RGR: variants seen among roughly 807,000 people sequenced by gnomAD.
RGR encodes retinal G protein coupled receptor, also known as RPE-retinal G protein-coupled receptor.
Under a neutral mutation model 28.6 loss-of-function variants are expected in RGR, and 30 were observed. The ratio of observed to expected loss-of-function variants is 1.05; its 90% confidence interval spans 0.78 to 1.42. The LOEUF is 1.42. Among genes scored for constraint, RGR ranks in the 40% most tolerant of loss-of-function variants. The pLI, the probability that RGR is intolerant of heterozygous loss-of-function variation, is 0.00. For missense variants in RGR, 404 were observed against 375.6 expected (o/e 1.08, Z -0.62); for synonymous variants, 180 against 156.4 (o/e 1.15, Z -1.13).
chr10:84,259,761 T>C lies in RGR; in HGVS notation c.*1122T>C, dbSNP rs1252788013. 1 of 151,496 alleles carries C rather than the reference T, an allele frequency of 6.6e-6. No homozygotes were observed. Among genetic ancestry groups the C allele is most frequent in the African/African-American group, 2.4e-5 (1 of 41,380 alleles). The allele number at this position is 151,496 out of a possible 1,614,324, so 9.4% of individuals were successfully genotyped here. ...CATTATTTGGATTTTTTTTGTTGAG[T>C]TATTTGAGTTTCTTATATATTCTGG... On this transcript the variant is annotated 3_prime_UTR_variant, in exon 7 of 7. Transcript: ENST00000652092.
intron 4 of RGR, 68 bp from the exon 5 acceptor site, chr10:84,254,258 G>C (rs762323248): frequency 1.5e-6 from 2 of 1,302,412 alleles, no homozygotes; most frequent in South Asian, 2.4e-5. Context: ...GGCAGAGCTG[G>C]TGGGTCCTTG....
At position 84,255,589 on chromosome 10, in the gene RGR, GTTTTA is replaced by G. The variant is rs1275928391; in HGVS notation, c.630+1152_630+1156del. 3.9e-5 allele frequency: 6 copies of G among 152,200 alleles called. No homozygotes were observed. The East Asian group carries it at 1.2e-3, about 29-fold the overall frequency. The allele number at this position is 152,200 out of a possible 1,614,324, so 9.4% of individuals were successfully genotyped here. On this transcript the variant is annotated intron_variant, in intron 5 of 6. Coordinates refer to ENST00000652092, the MANE Select transcript of RGR (RefSeq NM_001012720.2). ...TCTGAATTACTATTCCCTTGCCACG[GTTTTA>G]TTTTAACTTGGTCACCTGGATGACC...
intron 3 of RGR, among the ~76,000 whole-genome samples, chr10:84,251,209 TG>T (rs1331858807): frequency 1.3e-5 from 2 of 152,180 alleles, no homozygotes; most frequent in Admixed American, 6.5e-5. Flanking sequence ...CACTCCAGCC[TG>T]GGTGACACAG....
In RGR at chr10:84,248,201, GCA is replaced by G; in HGVS notation, c.236+456_236+457del. On this transcript the variant is annotated intron_variant, in intron 2 of 6. Transcript: ENST00000652092. The stretch of plus-strand genomic sequence containing the variant: ...AAATGGGGGCGTTATCACCACTACT[GCA>G]CCCGTATGTATCTGGGCTCCTGGAG... The G allele has an allele frequency of 2.4e-6, 3 of 1,240,810 alleles. No individual in the cohort carries two copies. In the South Asian group the frequency reaches 4.6e-5, roughly 19 times the overall value. The allele number at this position is 1,240,810 out of a possible 1,614,324, so 76.9% of individuals were successfully genotyped here. A position where few individuals can be genotyped will look rare whatever the true frequency, so the allele number is the denominator to read the frequency against.
Position 84,245,133 on chromosome 10 carries a change from G to T in RGR, c.43G>T (p.Glu15Ter), listed in dbSNP as rs150863046. 6.2e-7 allele frequency: 1 copy of T among 1,613,402 alleles called. No individual in the cohort carries two copies. The change falls in exon 1 of 7, where the codon GAG becomes TAG. Residue 15 changes from glutamate (E) to a stop codon, truncating the protein, a stop_gained. Coordinates refer to ENST00000652092, the MANE Select transcript of RGR (RefSeq NM_001012720.2). LOFTEE classifies it high-confidence loss of function. ...SALPTGFGEL[E>*]VLAVGMVLLV... ...CCTGCCCACTGGCTTCGGGGAGCTC[G>T]AGGTGCTGGCTGTGGGGATGGTGCT...
chr10:84,251,294 G>C (rs1842815657), intron 3 of RGR, among the ~76,000 whole-genome samples: 1 of 152,118 alleles, frequency 6.6e-6, no homozygotes, highest in Non-Finnish European at 1.5e-5. Flanking sequence ...GAGTCTTCCT[G>C]TCCTTGCACG....
In RGR at chr10:84,258,020, T is replaced by G. The variant is rs777778795; in HGVS notation, c.744+14T>G. 1 of 1,596,630 alleles carries G rather than the reference T, an allele frequency of 6.3e-7. No homozygotes were observed. Among genetic ancestry groups the G allele is most frequent in the Admixed American group, 1.7e-5 (1 of 60,024 alleles). ...AAACTGCAGATGGTACAGATACTTC[T>G]AGTACCTAAAACTAGACCCCTCTCC... On this transcript the variant is annotated intron_variant, in intron 6 of 6. Transcript: ENST00000652092.
Position 84,248,158 on chromosome 10 carries a change from G to C in RGR, c.236+411G>C. 3.8e-6 allele frequency: 4 copies of C among 1,065,232 alleles called. No homozygotes were observed. The South Asian group carries it at 6.3e-5, about 17-fold the overall frequency. The allele number at this position is 1,065,232 out of a possible 1,614,324, so 66.0% of individuals were successfully genotyped here. On this transcript the variant is annotated intron_variant, in intron 2 of 6. Transcript: ENST00000652092. ...TAATGCTTGATACCTAGGACTCTAC[G>C]TAAGTGTTTGTGAACACAAATGGGG...
chr10:84,253,386 T>G (rs901543811), intron 4 of RGR, among the ~76,000 whole-genome samples: 1 of 152,148 alleles, frequency 6.6e-6, no homozygotes, highest in South Asian at 2.1e-4. Context: ...AGCCACGCCC[T>G]TGGTACAATA....
chr10:84,251,453 T>A (rs1454184330), intron 3 of RGR, among the ~76,000 whole-genome samples: 1 of 152,164 alleles, frequency 6.6e-6, no homozygotes, highest in African/African-American at 2.4e-5. Context: ...GTCAGCATGG[T>A]CAGGTTCGGT....
rs193206433 is a variant in RGR, at chr10:84,255,970, C to T, written c.630+1527C>T. Among the ~76,000 whole-genome samples the T allele has an allele frequency of 5.1e-3, 763 of 149,668 alleles. 7 individuals are homozygous for T. The highest frequency in any genetic ancestry group is 0.018 in the African/African-American group (743 of 40,876). On this transcript the variant is annotated intron_variant, in intron 5 of 6. Transcript: ENST00000652092. The stretch of plus-strand genomic sequence containing the variant: ...AACTCCTGATCTCAGGTGATCCGCC[C>T]GCCTCCGCCTCCTAAATTGTTGGGA...
At position 84,259,587 on chromosome 10, in the gene RGR, C is replaced by T. The variant is rs28800841; in HGVS notation, c.*948C>T. 0.068 allele frequency: 10,325 copies of T among 152,224 alleles called. 468 individuals carry two copies. Among genetic ancestry groups the T allele is most frequent in the Non-Finnish European group, 0.092 (6,254 of 68,018 alleles). 9.4% of individuals were successfully genotyped at this position (152,224 alleles called of 1,614,324 possible). The stretch of plus-strand genomic sequence containing the variant: ...GACTTTTTAATAATAGCCATTCTCA[C>T]TTGTGTGAGATAAGGTCTCATTGTG... On this transcript the variant is annotated 3_prime_UTR_variant, in exon 7 of 7. Coordinates refer to ENST00000652092, the MANE Select transcript of RGR (RefSeq NM_001012720.2).
chr10:84,256,726 T>C (rs796183895), intron 5 of RGR, among the ~76,000 whole-genome samples: 14 of 152,254 alleles, frequency 9.2e-5, no homozygotes, highest in African/African-American at 3.1e-4. Context: ...CCAAGCCCTG[T>C]CTGGAGGTGC....
At chr10:84,247,980 T>A in intron 2 of RGR, 3 of 674,508 alleles carry the variant, frequency 4.4e-6, no homozygotes, top group Non-Finnish European at 7.4e-6. Context: ...GCTGTAGAGA[T>A]CAATGGTGTG....
At chr10:84,247,794 G>T (rs1309434499) in intron 2 of RGR, 47 bp downstream of exon 2, 4 of 1,613,182 alleles carry the variant, frequency 2.5e-6, no homozygotes, top group Non-Finnish European at 2.5e-6. Flanking sequence ...CCTGCCTGGG[G>T]CCTGACCCCT....
intron 5 of RGR, among the ~76,000 whole-genome samples, chr10:84,256,059 C>CTTTTTTTTTTTTTTTTTTTT (rs61441525): frequency 5.5e-5 from 3 of 54,348 alleles, no homozygotes; most frequent in Non-Finnish European, 9.3e-5. Context: ...TTTTTCCTTT[C>CTTTTTTTTTTTTTTTTTTTT]TTTTTTTTTT....
chr10:84,256,059 C>CAT (rs1842882251), intron 5 of RGR, among the ~76,000 whole-genome samples: 1 of 54,358 alleles, frequency 1.8e-5, no homozygotes, highest in East Asian at 6.1e-4. Flanking sequence ...TTTTTCCTTT[C>CAT]TTTTTTTTTT....
chr10:84,257,804 C>T (rs1842905864), intron 5 of RGR, 89 bp from the exon 6 acceptor site: 3 of 1,091,660 alleles, frequency 2.7e-6, no homozygotes, highest in Admixed American at 3.5e-5. Context: ...CTGCCCCGCC[C>T]TGCTGAGTGC....
chr10:84,259,321 T>C lies in RGR; in HGVS notation c.*682T>C, dbSNP rs1842926245. 3 of 112,004 alleles carry C rather than the reference T, an allele frequency of 2.7e-5. No individual in the cohort carries two copies. 6.9% of individuals were successfully genotyped at this position (112,004 alleles called of 1,614,324 possible). On this transcript the variant is annotated 3_prime_UTR_variant, in exon 7 of 7. Transcript: ENST00000652092. Reference sequence around the variant, plus strand: ...TGTTGATGGATAGATTCCATATCTTTGCTACTGTAAACAGCTGTGATAAGC... The same window carrying C: ...TGTTGATGGATAGATTCCATATCTTCGCTACTGTAAACAGCTGTGATAAGC...
Sources: allele counts gnomAD v4.1 joint callset (sites outside exome capture counted in the v4.1 genomes callset), GRCh38; gene constraint gnomAD v4.1.1; transcripts MANE v1.5; gene names NCBI Gene and HGNC (gene_info 2026-07-23, HGNC 2026-07-21).